Variants in DLG2 observed in about 807,000 individuals in gnomAD.
DLG2 encodes the protein disks large homolog 2.
DLG2 carries 45 observed loss-of-function variants against 132.5 expected under a neutral mutation model. The ratio of observed to expected loss-of-function variants is 0.34; its 90% CI spans 0.27 to 0.44. The LOEUF (loss-of-function observed/expected upper bound fraction) is 0.44. DLG2 is among the 20% of genes least tolerant of loss of function. The probability of loss-of-function intolerance (pLI) is 1.00; values close to 1 mark genes in which losing one functional copy is unlikely to be tolerated. For synonymous variants in DLG2, 424 were observed against 419.6 expected, an observed-to-expected ratio of 1.01 and a Z score of -0.13; for missense variants, 1,045 against 1,196.9, an observed-to-expected ratio of 0.87 and a Z score of 1.87.
rs186729052 is a variant in DLG2 at position 84,364,793 on chromosome 11, G to A, written c.520-113502C>T. Among the ~76,000 whole-genome samples the A allele has an allele frequency of 4.7e-4, 72 of 152,272 alleles. No individual in the cohort carries two copies. The East Asian group carries it at 0.011, about 23-fold the overall frequency. ...TCATGTGGTTTTTGTCTTTGGTTCC[G>A]TTTATATGCTGGATTACATTTATTG... On this transcript the variant is annotated intron_variant, in intron 7 of 27. Coordinates refer to ENST00000376104, the MANE Select transcript of DLG2 (RefSeq NM_001142699.3).
chr11:84,103,054 C>A (rs981126021), intron 9 of DLG2, among the ~76,000 whole-genome samples: 1 of 152,090 alleles, frequency 6.6e-6, no homozygotes, highest in Non-Finnish European at 1.5e-5. Context: ...CAAAGCATCC[C>A]TGAAAGCTTT....
At chr11:85,080,693 A>G (rs1363167782) in intron 6 of DLG2, among the ~76,000 whole-genome samples, 1 of 152,170 alleles carries the variant, frequency 6.6e-6, no homozygotes, top group African/African-American at 2.4e-5. Flanking sequence ...AAAACACTGT[A>G]ACTTAATACC....
At chr11:85,032,998 A>C (rs981885624) in intron 6 of DLG2, among the ~76,000 whole-genome samples, 2 of 152,242 alleles carry the variant, frequency 1.3e-5, no homozygotes, top group Non-Finnish European at 1.5e-5. Flanking sequence ...AACTTTATAC[A>C]TTGCATGCCA....
chr11:83,844,928 T>C (rs1210173419), intron 16 of DLG2, among the ~76,000 whole-genome samples: 4 of 152,148 alleles, frequency 2.6e-5, no homozygotes, highest in African/African-American at 4.8e-5. Context: ...TATCCTAGTG[T>C]TTTTCCTATT....
chr11:84,173,077 T>G (rs943210300), intron 8 of DLG2, among the ~76,000 whole-genome samples: 1 of 152,246 alleles, frequency 6.6e-6, no homozygotes, highest in Non-Finnish European at 1.5e-5. Flanking sequence ...GGTTCTTATA[T>G]GCATAAAATA....
At chr11:85,048,147 AT>A (rs937770455) in intron 6 of DLG2, among the ~76,000 whole-genome samples, 2 of 151,952 alleles carry the variant, frequency 1.3e-5, no homozygotes, top group Non-Finnish European at 2.9e-5. Flanking sequence ...TTATTTCATG[AT>A]TTTTAAATAT....
At chr11:85,470,010 T>C (rs1291494107) in intron 3 of DLG2, among the ~76,000 whole-genome samples, 2 of 152,166 alleles carry the variant, frequency 1.3e-5, no homozygotes, top group Non-Finnish European at 2.9e-5. Flanking sequence ...CCTACCTTTC[T>C]ACTTCCTCTT....
intron 18 of DLG2, among the ~76,000 whole-genome samples, chr11:83,761,620 T>C (rs2093912481): frequency 1.3e-5 from 2 of 152,160 alleles, no homozygotes; most frequent in African/African-American, 2.4e-5. Flanking sequence ...CCCAACATCA[T>C]ATCTCAGGTC....
chr11:85,439,204 T>C (rs1468917554), intron 3 of DLG2, among the ~76,000 whole-genome samples: 2 of 152,142 alleles, frequency 1.3e-5, no homozygotes, highest in African/African-American at 4.8e-5. Context: ...TAAGAAAGTA[T>C]TCAACCTTTT....
At chr11:85,553,030 T>C (rs1408880475) in intron 3 of DLG2, among the ~76,000 whole-genome samples, 1 of 151,720 alleles carries the variant, frequency 6.6e-6, no homozygotes. Context: ...AAATGATACA[T>C]TGAATGCAAC....
intron 10 of DLG2, among the ~76,000 whole-genome samples, chr11:84,081,597 T>C (rs2096904806): frequency 6.6e-6 from 1 of 152,178 alleles, no homozygotes; most frequent in Admixed American, 6.5e-5. Context: ...GTCCTTGTGA[T>C]AGTTTGCTCA....
chr11:84,472,501 C>T (rs2099111036), intron 7 of DLG2, among the ~76,000 whole-genome samples: 1 of 151,776 alleles, frequency 6.6e-6, no homozygotes, highest in African/African-American at 2.4e-5. Flanking sequence ...ATAAACCCAG[C>T]CAAAACAGGG....
At chr11:84,536,009 A>C (rs560684270) in intron 6 of DLG2, among the ~76,000 whole-genome samples, 1 of 151,420 alleles carries the variant, frequency 6.6e-6, no homozygotes, top group Admixed American at 6.6e-5. Context: ...ATAGTGGAAA[A>C]GTAACAAGAA....
chr11:84,174,714 C>T (rs961713554), intron 8 of DLG2, among the ~76,000 whole-genome samples: 1 of 152,130 alleles, frequency 6.6e-6, no homozygotes, highest in South Asian at 2.1e-4. Context: ...CCCATTTTTA[C>T]CAACTAAAGA....
intron 8 of DLG2, among the ~76,000 whole-genome samples, chr11:84,233,538 C>T (rs142762643): frequency 5.7e-4 from 87 of 152,224 alleles, no homozygotes; most frequent in African/African-American, 1.9e-3. Context: ...TGTACAGGAA[C>T]AAAGAAATGG....
At chr11:83,720,974 T>C (rs2088383546) in intron 18 of DLG2, 1 of 152,130 alleles carries the variant, frequency 6.6e-6, no homozygotes, top group African/African-American at 2.4e-5. Context: ...ATCTGATTAA[T>C]TGTTTTCAGA....
At chr11:84,861,044 G>C (rs1470384972) in intron 6 of DLG2, among the ~76,000 whole-genome samples, 1 of 152,068 alleles carries the variant, frequency 6.6e-6, no homozygotes, top group Non-Finnish European at 1.5e-5. Context: ...GTAAGAGGAA[G>C]GCAAAGAAGT....
intron 3 of DLG2, among the ~76,000 whole-genome samples, chr11:85,334,925 G>T (rs886193690): frequency 6.6e-6 from 1 of 152,130 alleles, no homozygotes; most frequent in South Asian, 2.1e-4. Context: ...GTATTCTGTA[G>T]ATGTCCGTTA....
chr11:84,427,107 C>T (rs180876042), intron 7 of DLG2, among the ~76,000 whole-genome samples: 9 of 152,126 alleles, frequency 5.9e-5, no homozygotes, highest in South Asian at 2.1e-4. Context: ...AAAGTTCATT[C>T]GGAAGCCCAG....
Sources: gnomAD v4.1 joint callset for allele counts (sites outside exome capture counted in the v4.1 genomes callset) on GRCh38, gnomAD v4.1.1 for gene constraint, MANE v1.5 for transcripts, NCBI Gene and HGNC (gene_info 2026-07-23, HGNC 2026-07-21) for gene names.